The following PUM1 variants were observed in gnomAD, a reference collection of about 807,000 sequenced individuals.
PUM1 encodes pumilio homolog 1.
PUM1 carries 13 observed loss-of-function variants against 131.8 expected under a neutral mutation model. The observed-to-expected ratio is 0.10, with a 90% confidence interval of 0.06 to 0.16. The LOEUF (loss-of-function observed/expected upper bound fraction) is 0.16. Among genes scored for constraint, PUM1 ranks in the 10% least tolerant of loss-of-function variants. PUM1 has a pLI of 1.00. For synonymous variants in PUM1, 509 were observed against 556.5 expected (o/e 0.91, Z 1.20); for missense variants, 961 against 1,512.4 (o/e 0.64, Z 6.05).
chr1:30,957,966 C>T (rs955379027), intron 14 of PUM1, among the ~76,000 whole-genome samples: 17 of 152,184 alleles, frequency 1.1e-4, no homozygotes, highest in African/African-American at 4.1e-4. Context: ...GTCCAAAATA[C>T]GTTAATTGTC....
At chr1:30,981,582 C>T (rs763883421) in intron 7 of PUM1, among the ~76,000 whole-genome samples, 177 bp from the exon 8 acceptor site, 2 of 152,072 alleles carry the variant, frequency 1.3e-5, no homozygotes, top group Non-Finnish European at 2.9e-5. Flanking sequence ...TTCTGTTCTC[C>T]CTGTCTCTCT....
At chr1:31,010,998 CTT>C (rs924292509) in intron 3 of PUM1, among the ~76,000 whole-genome samples, 1 of 152,212 alleles carries the variant, frequency 6.6e-6, no homozygotes, top group South Asian at 2.1e-4. Flanking sequence ...TTACAAAAGA[CTT>C]TTTAAAAATC....
chr1:31,051,209 AG>A (rs752292539), intron 2 of PUM1, among the ~76,000 whole-genome samples: 5 of 152,080 alleles, frequency 3.3e-5, no homozygotes, highest in Non-Finnish European at 7.4e-5. Flanking sequence ...TTGACATGTC[AG>A]GGGTGGGTAT....
At chr1:31,035,277 C>T (rs902202155) in intron 2 of PUM1, among the ~76,000 whole-genome samples, 1 of 152,028 alleles carries the variant, frequency 6.6e-6, no homozygotes, top group Non-Finnish European at 1.5e-5. Context: ...CCTGTAATCC[C>T]AGCTACTTGG....
At chr1:30,966,304 G>C (rs778983439) in intron 12 of PUM1, 26 bp from the exon 13 acceptor site, 4 of 1,542,612 alleles carry the variant, frequency 2.6e-6, no homozygotes, top group Non-Finnish European at 3.5e-6. Context: ...CAAACCGTTT[G>C]GCTATGAAAG....
rs150408850 is a variant in PUM1 at position 31,022,761 on chromosome 1, G to A, written c.432+6035C>T. On this transcript the variant is annotated intron_variant, in intron 3 of 21. Coordinates refer to ENST00000426105, the MANE Select transcript of PUM1 (RefSeq NM_001020658.2). ...ATCTTGTTCCTCCAGACCACTTGGC[G>A]TGGTTAGCTGTTTTTTCTAAAATAA... is the stretch of plus-strand genomic sequence containing the variant. Among the ~76,000 whole-genome samples the A allele has an allele frequency of 3.8e-3, 572 of 152,272 alleles. 3 individuals carry two copies. Among genetic ancestry groups the A allele is most frequent in the African/African-American group, 0.013 (531 of 41,548 alleles).
intron 3 of PUM1, among the ~76,000 whole-genome samples, chr1:31,026,118 C>T (rs1316383406): frequency 1.3e-5 from 2 of 151,862 alleles, no homozygotes; most frequent in Admixed American, 6.5e-5. Context: ...TAGCCGGGCA[C>T]GGCGGCATGC....
intron 3 of PUM1, among the ~76,000 whole-genome samples, chr1:31,025,900 T>C (rs562412659): frequency 1.3e-5 from 2 of 152,166 alleles, no homozygotes; most frequent in Non-Finnish European, 2.9e-5. Flanking sequence ...AGATGTTTTA[T>C]TGCTAAAAAG....
intron 16 of PUM1, 112 bp from the exon 17 acceptor site, chr1:30,950,373 G>T: frequency 4.7e-6 from 5 of 1,061,794 alleles, no homozygotes; most frequent in Non-Finnish European, 6.6e-6. Flanking sequence ...TTTTAGCCCT[G>T]ATACCCATGA....
chr1:31,059,376 G>A lies in PUM1; in HGVS notation c.191C>T (p.Pro64Leu), dbSNP rs563980047. Reference protein sequence around the residue: ...QALAAGTHSSPVPGSIGVAGR... With the variant: ...QALAAGTHSSLVPGSIGVAGR... ...TGCAACTCCTATAGATCCTGGGACA[G>A]GGCTGGAGTGAGTCCCAGCTGCAAG... Residue 64 changes from proline (P) to leucine (L), a missense_variant, in exon 2 of 22, where the codon CCT (proline) becomes CTT (leucine). This residue lies in a region of PUM1 where 654 missense variants were observed against 923.9 expected (regional missense o/e 0.71). Transcript: ENST00000426105. 5.6e-6 allele frequency: 9 copies of A among 1,614,048 alleles called. No homozygotes were observed. The highest frequency in any genetic ancestry group is 2.2e-5 in the East Asian group (1 of 44,890).
At chr1:31,011,164 T>TACACAC (rs138764103) in intron 3 of PUM1, among the ~76,000 whole-genome samples, 20,161 of 142,840 alleles carry the variant, frequency 0.14, 1,493 homozygotes, top group Admixed American at 0.2. Context: ...TCTCTTAAAA[T>TACACAC]ACACACACAC....
At chr1:30,961,570 A>T (rs1640409561) in intron 14 of PUM1, among the ~76,000 whole-genome samples, 1 of 152,156 alleles carries the variant, frequency 6.6e-6, no homozygotes, top group African/African-American at 2.4e-5. Context: ...GTTTGTTTTT[A>T]GTCTGAACTT....
Position 30,945,384 on chromosome 1 carries a change from G to T in PUM1, c.2956C>A (p.Gln986Lys), listed in dbSNP as rs564910194. The T allele has an allele frequency of 2.5e-6, 4 of 1,614,188 alleles. No homozygotes were observed. The South Asian group carries it at 3.3e-5, about 13-fold the overall frequency. The change falls in exon 18 of 22, where the codon CAG (glutamine) becomes AAG (lysine). Residue 986 changes from glutamine (Q) to lysine (K), a missense_variant. By Grantham distance (53) the Gln-to-Lys change is moderately conservative (BLOSUM62 1). Coordinates refer to ENST00000426105, the MANE Select transcript of PUM1 (RefSeq NM_001020658.2). ...GCATCGATGATAAATTGCAAAGACT[G>T]GGGCTGTACACATTCAATGCATTTC... Reference protein sequence around the residue: ...VQKCIECVQPQSLQFIIDAFK... With the variant: ...VQKCIECVQPKSLQFIIDAFK...
chr1:31,017,809 C>CCT (rs1642874872), intron 3 of PUM1, among the ~76,000 whole-genome samples: 1 of 152,052 alleles, frequency 6.6e-6, no homozygotes, highest in Admixed American at 6.6e-5. Context: ...AAAAAGCACC[C>CCT]CTAGGGCTCT....
At position 30,964,723 on chromosome 1, in the gene PUM1, T is replaced by C; in HGVS notation, c.2274A>G (p.Thr758=). ...CATGTGAAGAGAGGGAAGGAGGTGG[T>C]GTCTGTGAATGTCCTGGTCCCTGAC... ...LPSQGPGHSQ[T]PPPSLSSHGS... The change falls in exon 14 of 22, where the codon ACA becomes ACG. Residue 758 remains threonine, a synonymous_variant. Transcript: ENST00000426105. The C allele has an allele frequency of 6.2e-7, 1 of 1,607,160 alleles. No individual in the cohort carries two copies. Among genetic ancestry groups the C allele is most frequent in the Non-Finnish European group, 8.5e-7 (1 of 1,174,256 alleles).
chr1:30,959,755 A>G (rs1009228208), intron 14 of PUM1, among the ~76,000 whole-genome samples: 1 of 151,960 alleles, frequency 6.6e-6, no homozygotes, highest in African/African-American at 2.4e-5. Context: ...AAAATACAAA[A>G]AATTAGCCGG....
intron 3 of PUM1, among the ~76,000 whole-genome samples, chr1:31,017,272 A>G (rs1022735650): frequency 1.3e-5 from 2 of 152,210 alleles, no homozygotes; most frequent in Non-Finnish European, 2.9e-5. Context: ...TAAGATAAGC[A>G]CACTGCCTAA....
intron 13 of PUM1, 147 bp downstream of exon 13, chr1:30,965,835 C>G (rs900448896): frequency 1.2e-5 from 9 of 779,158 alleles, no homozygotes; most frequent in African/African-American, 1.8e-5. Context: ...TTTCAATAGT[C>G]TATCATCTCA....
At chr1:31,061,211 C>A (rs1214995802) in intron 1 of PUM1, among the ~76,000 whole-genome samples, 1 of 152,144 alleles carries the variant, frequency 6.6e-6, no homozygotes, top group Non-Finnish European at 1.5e-5. Flanking sequence ...GTCATCCCAG[C>A]ACCTTCGGAG....
Sources: gnomAD v4.1 joint callset for allele counts (sites outside exome capture counted in the v4.1 genomes callset) on GRCh38, gnomAD v4.1.1 for gene constraint, gnomAD v4.1.1 regional missense constraint, MANE v1.5 for transcripts, NCBI Gene and HGNC (gene_info 2026-07-23, HGNC 2026-07-21) for gene names.